The following UNC13C variants were observed in gnomAD, a reference collection of about 807,000 sequenced individuals.
UNC13C encodes the protein unc-13 homolog C, also known as protein unc-13 homolog C.
UNC13C carries 174 observed loss-of-function variants against 245.4 expected under a neutral mutation model. The ratio of observed to expected loss-of-function variants is 0.71; its 90% CI spans 0.63 to 0.80. UNC13C has a LOEUF of 0.80. Among genes scored for constraint, UNC13C ranks in the 30% least tolerant of loss-of-function variants. The probability of loss-of-function intolerance (pLI) is 0.00; values close to 1 mark genes in which losing one functional copy is unlikely to be tolerated. For missense variants in UNC13C, 2,829 were observed against 2,602.9 expected (o/e 1.09, Z -1.89); for synonymous variants, 992 against 895.1 (o/e 1.11, Z -1.93).
At position 54,475,325 on chromosome 15, in the gene UNC13C, A is replaced by C. The variant is rs866847100; in HGVS notation, c.4934-19283A>C. Among the ~76,000 whole-genome samples the C allele has an allele frequency of 1.3e-4, 18 of 142,650 alleles. No individual in the cohort carries two copies. The South Asian group carries it at 4.0e-3, about 32-fold the overall frequency. The allele number at this position is 142,650 out of a possible 152,430, so 93.6% of individuals were successfully genotyped here. A position where few individuals can be genotyped will look rare whatever the true frequency, so the allele number is the denominator to read the frequency against. ...TTATTATTATTATTATTATTATTAT[A>C]CTTTAAGTTTTAGGGTACATGTGCA... is the stretch of plus-strand genomic sequence containing the variant. On this transcript the variant is annotated intron_variant, in intron 19 of 32. Coordinates refer to ENST00000260323, the MANE Select transcript of UNC13C (RefSeq NM_001080534.3).
At chr15:54,260,807 A>C (rs2036405001) in intron 8 of UNC13C, among the ~76,000 whole-genome samples, 1 of 150,384 alleles carries the variant, frequency 6.6e-6, no homozygotes, top group Non-Finnish European at 1.5e-5. Flanking sequence ...TATATCTATA[A>C]ATTCTATAAT....
chr15:54,234,626 A>AT (rs1190374124), intron 4 of UNC13C, among the ~76,000 whole-genome samples: 1 of 152,146 alleles, frequency 6.6e-6, no homozygotes, highest in Non-Finnish European at 1.5e-5. Flanking sequence ...AATAACTGGT[A>AT]TTTTTATAAT....
chr15:54,060,659 A>C (rs1595789206), intron 2 of UNC13C, among the ~76,000 whole-genome samples: 4 of 151,286 alleles, frequency 2.6e-5, no homozygotes, highest in Admixed American at 6.6e-5. Context: ...CTATAAAGAC[A>C]CATGCACACG....
intron 19 of UNC13C, among the ~76,000 whole-genome samples, chr15:54,482,085 C>A (rs904714494): frequency 6.6e-6 from 1 of 152,094 alleles, no homozygotes; most frequent in African/African-American, 2.4e-5. Context: ...TCATGGCAGC[C>A]TCTCTGGTGT....
chr15:54,516,865 C>G (rs1336938087), intron 24 of UNC13C, among the ~76,000 whole-genome samples: 1 of 150,410 alleles, frequency 6.6e-6, no homozygotes, highest in African/African-American at 2.5e-5. Flanking sequence ...TATTTGTACA[C>G]CAGTCCTGAC....
upstream of UNC13C, among the ~76,000 whole-genome samples, chr15:53,976,558 G>A (rs937419022): frequency 2.3e-5 from 3 of 130,834 alleles, no homozygotes; most frequent in Non-Finnish European, 4.7e-5. Context: ...TACAACCTCC[G>A]CCTTCCAGGT....
chr15:54,320,706 T>A (rs2038132077), intron 13 of UNC13C: 1 of 373,938 alleles, frequency 2.7e-6, no homozygotes, highest in Non-Finnish European at 5.2e-6. Flanking sequence ...CCTGCTAAAC[T>A]TTGTTTCCTG....
intron 2 of UNC13C, chr15:54,050,560 C>A (rs1897233742): frequency 4.5e-6 from 2 of 447,170 alleles, no homozygotes; most frequent in African/African-American, 2.0e-5. Context: ...AAGTATTCTC[C>A]AGAGTGAGCT....
At chr15:54,528,499 C>G (rs750003668) in intron 25 of UNC13C, among the ~76,000 whole-genome samples, 7 of 151,910 alleles carry the variant, frequency 4.6e-5, no homozygotes, top group Non-Finnish European at 5.9e-5. Context: ...TTAATACAGG[C>G]TTTTTTTAAA....
At chr15:54,113,988 G>A (rs2030023297) in intron 2 of UNC13C, among the ~76,000 whole-genome samples, 1 of 152,066 alleles carries the variant, frequency 6.6e-6, no homozygotes, top group African/African-American at 2.4e-5. Flanking sequence ...TCACACCTCT[G>A]AAAGGCTTAC....
At chr15:53,846,953 G>A in the UNC13C span, among the ~76,000 whole-genome samples, 1 of 152,126 alleles carries the variant, frequency 6.6e-6, no homozygotes, top group Admixed American at 6.6e-5. Context: ...AAGTCTCACA[G>A]TGTAGGGCCC....
Position 54,325,766 on chromosome 15 carries a change from G to A in UNC13C, c.4425+3671G>A, listed in dbSNP as rs575909774. Among the ~76,000 whole-genome samples, 9 of 152,160 alleles carry A rather than the reference G, an allele frequency of 5.9e-5. No individual in the cohort carries two copies. In the South Asian group the frequency reaches 6.2e-4, roughly 11 times the overall value. On this transcript the variant is annotated intron_variant, in intron 14 of 32. Transcript: ENST00000260323. ...TTATAACAACATTCTGAAAGAAAGC[G>A]TGAAATTGGATGAGGAAACAGACTA...
chr15:53,911,043 T>C, the UNC13C span: 1 of 151,840 alleles, frequency 6.6e-6, no homozygotes, highest in East Asian at 1.9e-4. Flanking sequence ...AGTGGAGAGG[T>C]CTCCTGCAAG....
intron 19 of UNC13C, among the ~76,000 whole-genome samples, chr15:54,426,066 T>C (rs2040753080): frequency 6.6e-6 from 1 of 151,766 alleles, no homozygotes; most frequent in Admixed American, 6.6e-5. Context: ...CATTTACATG[T>C]CCTGTTGAGT....
At chr15:54,034,562 T>G (rs1896493880) in intron 2 of UNC13C, among the ~76,000 whole-genome samples, 1 of 152,222 alleles carries the variant, frequency 6.6e-6, no homozygotes, top group Non-Finnish European at 1.5e-5. Context: ...AAAAAGTCAC[T>G]ATCTCCTTGA....
chr15:54,549,168 A>T (rs1200078522), intron 27 of UNC13C, among the ~76,000 whole-genome samples: 2 of 152,274 alleles, frequency 1.3e-5, no homozygotes, highest in East Asian at 3.9e-4. Flanking sequence ...GGTTCTAGAG[A>T]AAGCCTCTGG....
intron 19 of UNC13C, among the ~76,000 whole-genome samples, chr15:54,487,452 T>C (rs1478988241): frequency 6.6e-6 from 1 of 152,062 alleles, no homozygotes; most frequent in Non-Finnish European, 1.5e-5. Context: ...TCCTCCAAAG[T>C]CATTGATTCT....
rs75970180 is a variant in UNC13C at position 54,559,589 on chromosome 15, G to A, written c.5958+4077G>A. 6.1e-3 allele frequency among the ~76,000 whole-genome samples: 930 copies of A among 152,036 alleles called. 10 individuals are homozygous for A. The highest frequency in any genetic ancestry group is 0.021 in the African/African-American group (886 of 41,482). On this transcript the variant is annotated intron_variant, in intron 29 of 32. Coordinates refer to ENST00000260323, the MANE Select transcript of UNC13C (RefSeq NM_001080534.3). ...GATGAGAGCACCTGCCTTTGACTTG[G>A]GAACAAAAACATCTATAGTCAGCAA...
intron 19 of UNC13C, among the ~76,000 whole-genome samples, chr15:54,479,586 G>A (rs749717293): frequency 7.9e-5 from 12 of 151,896 alleles, no homozygotes; most frequent in Non-Finnish European, 1.3e-4. Flanking sequence ...TCATTGTTAG[G>A]TGATAACTTA....
Sources: gnomAD v4.1 joint callset for allele counts (sites outside exome capture counted in the v4.1 genomes callset) on GRCh38, gnomAD v4.1.1 for gene constraint, MANE v1.5 for transcripts, NCBI Gene and HGNC (gene_info 2026-07-23, HGNC 2026-07-21) for gene names.